The following ARHGAP5 variants were observed in gnomAD, a reference collection of about 807,000 sequenced individuals.
The protein encoded by ARHGAP5 is rho GTPase-activating protein 5.
A neutral mutation model predicts 116.6 loss-of-function variants in ARHGAP5; 23 were observed. The ratio of observed to expected loss-of-function variants is 0.20; its 90% CI spans 0.14 to 0.28. The LOEUF (loss-of-function observed/expected upper bound fraction) is 0.28, where lower values mean the gene tolerates loss of function less well. Among genes scored for constraint, ARHGAP5 ranks in the 10% least tolerant of loss-of-function variants. ARHGAP5 has a pLI of 1.00. For synonymous variants in ARHGAP5, 574 were observed against 602.0 expected (o/e 0.95, Z 0.68); for missense variants, 1,405 against 1,774.8 (o/e 0.79, Z 3.74).
At chr14:32,090,080 G>A (rs1002727478) in intron 1 of ARHGAP5, among the ~76,000 whole-genome samples, 1 of 152,000 alleles carries the variant, frequency 6.6e-6, no homozygotes, top group African/African-American at 2.4e-5. Flanking sequence ...AATGTAAAAA[G>A]CAGGTTGTTT....
chr14:32,134,972 C>T (rs1880709409), intron 3 of ARHGAP5, among the ~76,000 whole-genome samples: 1 of 152,004 alleles, frequency 6.6e-6, no homozygotes, highest in Admixed American at 6.6e-5. Context: ...CCCAGTTGTC[C>T]AGGCCTCAGG....
intron 3 of ARHGAP5, among the ~76,000 whole-genome samples, chr14:32,131,248 A>G (rs561243652): frequency 4.5e-4 from 60 of 132,480 alleles, no homozygotes; most frequent in Non-Finnish European, 6.8e-4. Flanking sequence ...TTCTTGTCAT[A>G]CTTCTTTTTT....
At chr14:32,124,928 T>C (rs1365647734) in intron 3 of ARHGAP5, among the ~76,000 whole-genome samples, 1 of 152,136 alleles carries the variant, frequency 6.6e-6, no homozygotes, top group East Asian at 1.9e-4. Flanking sequence ...CCTAAAACAC[T>C]AGGGAGAAGA....
chr14:32,104,536 T>C (rs1878926030), intron 2 of ARHGAP5, among the ~76,000 whole-genome samples: 1 of 152,196 alleles, frequency 6.6e-6, no homozygotes, highest in Non-Finnish European at 1.5e-5. Context: ...ACTTACGGCT[T>C]TTATAGGCTT....
intron 3 of ARHGAP5, among the ~76,000 whole-genome samples, chr14:32,138,280 G>T (rs944582449): frequency 6.6e-6 from 1 of 151,984 alleles, no homozygotes; most frequent in African/African-American, 2.4e-5. Context: ...GTTTTTATTT[G>T]TTTGTGGTTT....
At chr14:32,085,372 C>T (rs917817488) in intron 1 of ARHGAP5, among the ~76,000 whole-genome samples, 2 of 152,218 alleles carry the variant, frequency 1.3e-5, no homozygotes, top group Admixed American at 6.5e-5. Flanking sequence ...ATCACCTGAG[C>T]GCAGGAGTTC....
chr14:32,108,314 A>G (rs1269317001), intron 2 of ARHGAP5, among the ~76,000 whole-genome samples: 2 of 152,078 alleles, frequency 1.3e-5, no homozygotes, highest in Non-Finnish European at 2.9e-5. Flanking sequence ...TTTAAAGATG[A>G]GAGAGATTGG....
At chr14:32,107,762 CTG>C (rs1404015841) in intron 2 of ARHGAP5, among the ~76,000 whole-genome samples, 5 of 152,156 alleles carry the variant, frequency 3.3e-5, no homozygotes, top group Non-Finnish European at 7.4e-5. Flanking sequence ...TTTAAAATAT[CTG>C]TGTTGACAAA....
intron 3 of ARHGAP5, among the ~76,000 whole-genome samples, chr14:32,125,500 G>GTAGAA (rs1880107621): frequency 6.6e-6 from 1 of 152,200 alleles, no homozygotes; most frequent in Non-Finnish European, 1.5e-5. Context: ...GTACCTAGGA[G>GTAGAA]TAGAATACTG....
chr14:32,157,935 T>C lies in ARHGAP5; in HGVS notation c.*2987T>C, dbSNP rs1881966639. 6.6e-6 allele frequency: 1 copy of C among 151,668 alleles called. No homozygotes were observed. The highest frequency in any genetic ancestry group is 1.5e-5 in the Non-Finnish European group (1 of 67,702). The allele number at this position is 151,668 out of a possible 1,614,324, so 9.4% of individuals were successfully genotyped here. On this transcript the variant is annotated 3_prime_UTR_variant, in exon 7 of 7. Coordinates refer to ENST00000345122, the MANE Select transcript of ARHGAP5 (RefSeq NM_001030055.2). ...CTTAGCTTCCATGGTGATTTTTAGT[T>C]TTTTATACAGTAATAATTGTGATGC... is the stretch of plus-strand genomic sequence containing the variant.
chr14:32,084,051 A>G (rs149545331), intron 1 of ARHGAP5, among the ~76,000 whole-genome samples: 1 of 152,350 alleles, frequency 6.6e-6, no homozygotes, highest in Non-Finnish European at 1.5e-5. Flanking sequence ...GAAATGAAAG[A>G]ATTTAGAATG....
At chr14:32,081,107 T>A (rs1260433181) in intron 1 of ARHGAP5, among the ~76,000 whole-genome samples, 3 of 152,182 alleles carry the variant, frequency 2.0e-5, no homozygotes, top group African/African-American at 4.8e-5. Context: ...AAAATATTGC[T>A]CCCTTAAAAG....
At chr14:32,132,098 C>G (rs1395629646) in intron 3 of ARHGAP5, among the ~76,000 whole-genome samples, 3 of 152,070 alleles carry the variant, frequency 2.0e-5, no homozygotes, top group African/African-American at 7.2e-5. Context: ...AGGTATATAC[C>G]CAGTAATGAG....
At chr14:32,086,861 G>A (rs2041834587) in intron 1 of ARHGAP5, among the ~76,000 whole-genome samples, 1 of 151,922 alleles carries the variant, frequency 6.6e-6, no homozygotes, top group Non-Finnish European at 1.5e-5. Context: ...CAATCTTAAA[G>A]GCAGAATGAG....
intron 2 of ARHGAP5, among the ~76,000 whole-genome samples, chr14:32,105,015 T>G (rs562867145): frequency 1.3e-5 from 2 of 152,274 alleles, no homozygotes; most frequent in South Asian, 2.1e-4. Context: ...ATTGAATTGC[T>G]AAACTGAATT....
chr14:32,111,099 A>G (rs189954504), intron 2 of ARHGAP5, among the ~76,000 whole-genome samples: 1 of 152,314 alleles, frequency 6.6e-6, no homozygotes, highest in Non-Finnish European at 1.5e-5. Context: ...GTGAGTATAG[A>G]TGGAAAAAAG....
intron 3 of ARHGAP5, among the ~76,000 whole-genome samples, chr14:32,118,933 A>G (rs1879742501): frequency 6.6e-6 from 1 of 152,186 alleles, no homozygotes; most frequent in South Asian, 2.1e-4. Context: ...GTTTGAGGAA[A>G]ATAAATGAAT....
intron 2 of ARHGAP5, among the ~76,000 whole-genome samples, chr14:32,116,579 T>A (rs1594367178): frequency 6.6e-6 from 1 of 151,902 alleles, no homozygotes; most frequent in Admixed American, 6.6e-5. Flanking sequence ...GGCGACAGAG[T>A]GAGACTCCAT....
At chr14:32,150,638 A>G (rs1881598303) in intron 5 of ARHGAP5, among the ~76,000 whole-genome samples, 1 of 152,200 alleles carries the variant, frequency 6.6e-6, no homozygotes, top group Non-Finnish European at 1.5e-5. Flanking sequence ...AACTCACTTC[A>G]GAGATAACAG....
Sources: allele counts gnomAD v4.1 joint callset (sites outside exome capture counted in the v4.1 genomes callset), GRCh38; gene constraint gnomAD v4.1.1; transcripts MANE v1.5; gene names NCBI Gene and HGNC (gene_info 2026-07-23, HGNC 2026-07-21).